Variants in RAB11FIP4 observed in about 807,000 individuals in gnomAD.
RAB11FIP4 encodes the protein RAB11 family interacting protein 4.
Under a neutral mutation model 74.3 loss-of-function variants are expected in RAB11FIP4, and 23 were observed. That is an observed-to-expected ratio of 0.31 (90% CI 0.22 to 0.44). The LOEUF (loss-of-function observed/expected upper bound fraction) is 0.44, where lower values mean the gene tolerates loss of function less well. Among genes scored for constraint, RAB11FIP4 ranks in the 20% least tolerant of loss-of-function variants. The pLI, the probability that RAB11FIP4 is intolerant of heterozygous loss-of-function variation, is 1.00. For synonymous variants in RAB11FIP4, 360 were observed against 359.9 expected (o/e 1.00, Z 0.00); for missense variants, 630 against 863.9 (o/e 0.73, Z 3.39).
rs376891758 is a variant in RAB11FIP4, at chr17:31,531,633, G to A, written c.1815G>A (p.Lys605=). 2 of 1,613,332 alleles carry A rather than the reference G, an allele frequency of 1.2e-6. No homozygotes were observed. The highest frequency in any genetic ancestry group is 3.3e-5 in the Admixed American group (2 of 60,000). ...ASRDELMEAL[K]EQEEINFRLR... ...TCCTTCAGCTAATGGAAGCCCTGAA[G>A]GAGCAGGAGGAGATCAACTTCCGGC... Residue 605 remains lysine (K), a synonymous_variant, in exon 15 of 15, where the codon AAG becomes AAA. Coordinates refer to ENST00000621161, the MANE Select transcript of RAB11FIP4 (RefSeq NM_032932.6).
At position 31,411,384 on chromosome 17, in the gene RAB11FIP4, AC is replaced by A. The variant is rs545905306; in HGVS notation, c.159+19374del. The stretch of plus-strand genomic sequence containing the variant: ...ATCTCAAAAACAAACAAACAAACAA[AC>A]AAACAAAACAACCTCGCTTTCCTCT... On this transcript the variant is annotated intron_variant, in intron 1 of 14. Coordinates refer to ENST00000621161, the MANE Select transcript of RAB11FIP4 (RefSeq NM_032932.6). 1.4e-4 allele frequency among the ~76,000 whole-genome samples: 21 copies of A among 152,140 alleles called. No homozygotes were observed. In the East Asian group the frequency reaches 4.1e-3, roughly 29 times the overall value.
chr17:31,501,992 G>T (rs2072230809), intron 3 of RAB11FIP4, among the ~76,000 whole-genome samples: 1 of 152,170 alleles, frequency 6.6e-6, no homozygotes, highest in African/African-American at 2.4e-5. Flanking sequence ...GGCCAAGGTG[G>T]CTGGCTGCAT....
rs1019077871 is a variant in RAB11FIP4, at chr17:31,525,234, G to A, written c.1274+4G>A. The A allele has an allele frequency of 1.3e-6, 2 of 1,543,604 alleles. No homozygotes were observed. Among genetic ancestry groups the A allele is most frequent in the Admixed American group, 4.0e-5 (2 of 50,374 alleles). On this transcript the variant is annotated splice_donor_region_variant and intron_variant, in intron 10 of 14. Transcript: ENST00000621161. ...AGGTGGAGCTGCTCAATGCCAGGTG[G>A]GCCCCTCCACCGAGCCCCCTCCCTC...
In RAB11FIP4 at chr17:31,431,882, G is replaced by C; in HGVS notation, c.229G>C (p.Gly77Arg). The change falls in exon 2 of 15, where the codon GGG becomes CGG. Residue 77 changes from glycine to arginine, a missense_variant. Gly to Arg is a moderately radical substitution (Grantham distance 125, BLOSUM62 -2). Coordinates refer to ENST00000621161, the MANE Select transcript of RAB11FIP4 (RefSeq NM_032932.6). ...GRINFKDFCR[G>R]VFAMKGCEEL... ...AATCAACTTCAAGGACTTTTGCCGG[G>C]GGGTGTTCGCCATGAAAGGTGAGGT... The C allele has an allele frequency of 6.2e-7, 1 of 1,613,020 alleles. No individual in the cohort carries two copies. The highest frequency in any genetic ancestry group is 1.7e-5 in the Admixed American group (1 of 59,876).
In RAB11FIP4 at chr17:31,500,041, A is replaced by G. The variant is rs781241375; in HGVS notation, c.337-17610A>G. ...AATCAAGGCCGTTGGCTCTGTTTGC[A>G]GGGCAGAGGGTAGGCTAGATAGCCT... On this transcript the variant is annotated intron_variant, in intron 3 of 14. Transcript: ENST00000621161. Among the ~76,000 whole-genome samples the G allele has an allele frequency of 2.8e-4, 43 of 152,184 alleles. 1 individual carries two copies. Among genetic ancestry groups the G allele is most frequent in the Non-Finnish European group, 5.9e-5 (4 of 68,030 alleles).
At chr17:31,437,395 G>C (rs1256128503) in intron 3 of RAB11FIP4, among the ~76,000 whole-genome samples, 1 of 152,144 alleles carries the variant, frequency 6.6e-6, no homozygotes, top group African/African-American at 2.4e-5. Context: ...GGCTGGACTG[G>C]GCAGGTCCGA....
chr17:31,411,038 C>T (rs1185557503), intron 1 of RAB11FIP4, among the ~76,000 whole-genome samples: 3 of 152,126 alleles, frequency 2.0e-5, no homozygotes, highest in African/African-American at 7.2e-5. Context: ...ATGGAGGATG[C>T]GTAGGCCCTG....
rs75380114 is a variant in RAB11FIP4 at position 31,397,632 on chromosome 17, C to T, written c.159+5621C>T. 9.7e-3 allele frequency among the ~76,000 whole-genome samples: 1,470 copies of T among 152,234 alleles called. 22 individuals are homozygous for T. The highest frequency in any genetic ancestry group is 0.033 in the African/African-American group (1,389 of 41,524). On this transcript the variant is annotated intron_variant, in intron 1 of 14. Coordinates refer to ENST00000621161, the MANE Select transcript of RAB11FIP4 (RefSeq NM_032932.6). Reference sequence around the variant, plus strand: ...GTGAGCCCAGAGAGATGTTCTCTTTCCTATGCTTCTGGGAAACTGTGCTCC... The same window carrying T: ...GTGAGCCCAGAGAGATGTTCTCTTTTCTATGCTTCTGGGAAACTGTGCTCC...
Position 31,511,231 on chromosome 17 carries a change from G to A in RAB11FIP4, c.337-6420G>A, listed in dbSNP as rs1027855447. On this transcript the variant is annotated intron_variant, in intron 3 of 14. Coordinates refer to ENST00000621161, the MANE Select transcript of RAB11FIP4 (RefSeq NM_032932.6). ...GGTGGAGCAGGGCTCTGGCCTGGCCGTCTACTCCAGAGCTTGTCCTTAACG... is the reference window on the plus strand; with the variant it reads ...GGTGGAGCAGGGCTCTGGCCTGGCCATCTACTCCAGAGCTTGTCCTTAACG... Among the ~76,000 whole-genome samples the A allele has an allele frequency of 4.6e-5, 7 of 152,250 alleles. No individual in the cohort carries two copies. In the East Asian group the frequency reaches 9.7e-4, roughly 21 times the overall value.
chr17:31,458,890 T>C (rs1468252219), intron 3 of RAB11FIP4, among the ~76,000 whole-genome samples: 1 of 152,198 alleles, frequency 6.6e-6, no homozygotes, highest in Admixed American at 6.5e-5. Flanking sequence ...TGGCAGCTGT[T>C]AGCCCAGGAG....
intron 8 of RAB11FIP4, 66 bp from the exon 9 acceptor site, chr17:31,523,827 G>A: frequency 8.0e-7 from 1 of 1,252,640 alleles, no homozygotes; most frequent in Non-Finnish European, 1.2e-6. Flanking sequence ...GAACCTCATG[G>A]CGTCGAGGTT....
At chr17:31,492,738 C>T (rs1211219606) in intron 3 of RAB11FIP4, among the ~76,000 whole-genome samples, 4 of 152,148 alleles carry the variant, frequency 2.6e-5, no homozygotes, top group Non-Finnish European at 4.4e-5. Context: ...TGGAATTTGT[C>T]ATTGGCCAGC....
intron 3 of RAB11FIP4, among the ~76,000 whole-genome samples, chr17:31,516,900 C>G (rs2072562593): frequency 6.6e-6 from 1 of 152,052 alleles, no homozygotes; most frequent in South Asian, 2.1e-4. Flanking sequence ...GGTGTACACC[C>G]TATGTAAATG....
intron 2 of RAB11FIP4, among the ~76,000 whole-genome samples, chr17:31,433,420 C>G (rs1349532026): frequency 6.6e-6 from 1 of 152,170 alleles, no homozygotes; most frequent in Non-Finnish European, 1.5e-5. Flanking sequence ...CAGAAGGTGC[C>G]CAGGGAAGGT....
chr17:31,416,388 AG>A (rs1402777051), intron 1 of RAB11FIP4, among the ~76,000 whole-genome samples: 1 of 152,188 alleles, frequency 6.6e-6, no homozygotes, highest in Non-Finnish European at 1.5e-5. Flanking sequence ...CTCAGGGTGC[AG>A]GAACTGGAAG....
intron 3 of RAB11FIP4, among the ~76,000 whole-genome samples, chr17:31,484,396 A>G (rs551118159): frequency 1.1e-3 from 171 of 151,934 alleles, no homozygotes; most frequent in African/African-American, 4.0e-3. Context: ...AAAAAAAAAA[A>G]GGAACCTCAC....
rs767999266 is a variant in RAB11FIP4 at position 31,431,938 on chromosome 17, G to A, written c.247+38G>A. The A allele has an allele frequency of 1.1e-5, 16 of 1,464,360 alleles. 1 individual carries two copies. In the East Asian group the frequency reaches 2.1e-4, roughly 19 times the overall value. The allele number at this position is 1,464,360 out of a possible 1,614,324, so 90.7% of individuals were successfully genotyped here. On this transcript the variant is annotated intron_variant, in intron 2 of 14. Coordinates refer to ENST00000621161, the MANE Select transcript of RAB11FIP4 (RefSeq NM_032932.6). ...CGGGAGGCTTTCCCAGGCGCTCTCC[G>A]GTCCTGCCCAGCTGGGGAAGCTGGT...
intron 3 of RAB11FIP4, among the ~76,000 whole-genome samples, chr17:31,477,221 G>A (rs1236658194): frequency 1.3e-5 from 2 of 152,234 alleles, no homozygotes; most frequent in Non-Finnish European, 2.9e-5. Flanking sequence ...CAGACTCAGA[G>A]TCGTCATCGT....
In RAB11FIP4 at chr17:31,434,085, TGCCGTGCGC is replaced by T; in HGVS notation, c.303_311del (p.Cys102_Pro104del). On this transcript the variant is annotated inframe_deletion, in exon 3 of 15. Transcript: ENST00000621161. ...CTGTCGGTGGAGAGCGCGGGGACGC[TGCCGTGCGC>T]GCCAGAGATCCCAGACTGCGTGGAG... 2 of 1,586,526 alleles carry T rather than the reference TGCCGTGCGC, an allele frequency of 1.3e-6. No individual in the cohort carries two copies. The highest frequency in any genetic ancestry group is 1.7e-6 in the Non-Finnish European group (2 of 1,174,246).
Sources: allele counts gnomAD v4.1 joint callset (sites outside exome capture counted in the v4.1 genomes callset), GRCh38; gene constraint gnomAD v4.1.1; transcripts MANE v1.5; gene names NCBI Gene and HGNC (gene_info 2026-07-23, HGNC 2026-07-21).